Variants in HUNK observed in about 807,000 individuals in gnomAD.
The protein encoded by HUNK is hormonally up-regulated neu tumor-associated kinase.
A neutral mutation model predicts 61.0 loss-of-function variants in HUNK; 21 were observed. The ratio of observed to expected loss-of-function variants is 0.34; its 90% CI spans 0.24 to 0.50. The LOEUF is 0.50. HUNK is among the 20% of genes least tolerant of loss of function. The pLI, the probability that HUNK is intolerant of heterozygous loss-of-function variation, is 0.98. For synonymous variants in HUNK, 371 were observed against 386.1 expected (o/e 0.96, Z 0.46); for missense variants, 772 against 945.7 (o/e 0.82, Z 2.41).
chr21:31,983,005 G>A (rs1220532380), intron 7 of HUNK, among the ~76,000 whole-genome samples: 6 of 152,114 alleles, frequency 3.9e-5, no homozygotes, highest in East Asian at 3.9e-4. Context: ...GTTTCGCCAC[G>A]TTGGCCAGGC....
chr21:31,912,135 C>A (rs543029217), intron 1 of HUNK, among the ~76,000 whole-genome samples: 1 of 152,164 alleles, frequency 6.6e-6, no homozygotes, highest in South Asian at 2.1e-4. Flanking sequence ...CTTCCCCCAC[C>A]GTTCCTCCCT....
chr21:31,999,158 G>A lies in HUNK; in HGVS notation c.2119G>A (p.Ala707Thr), dbSNP rs199714632. Residue 707 changes from alanine (A) to threonine (T), a missense_variant, in exon 11 of 11, where the codon GCC (alanine) becomes ACC (threonine). Ala to Thr is a moderately conservative substitution (Grantham distance 58). This residue lies in a region of HUNK where 413 missense variants were observed against 444.4 expected (regional missense o/e 0.93). Coordinates refer to ENST00000270112, the MANE Select transcript of HUNK (RefSeq NM_014586.2). The stretch of plus-strand genomic sequence containing the variant: ...CCCTGTGAACCTTGCCTTTGACATG[G>A]CCGATGGGGTCAAGACCCAGTGCTA... ...LAPVNLAFDM[A>T]DGVKTQC The A allele has an allele frequency of 2.5e-6, 4 of 1,612,412 alleles. No individual in the cohort carries two copies. The East Asian group carries it at 8.9e-5, about 36-fold the overall frequency.
intron 4 of HUNK, among the ~76,000 whole-genome samples, chr21:31,948,989 G>A (rs748423931): frequency 5.3e-5 from 8 of 152,216 alleles, no homozygotes; most frequent in African/African-American, 9.6e-5. Flanking sequence ...GCTCCTGAGC[G>A]GGCTGGGTGC....
intron 8 of HUNK, among the ~76,000 whole-genome samples, chr21:31,987,969 CGT>C (rs547419621): frequency 1.3e-3 from 197 of 152,288 alleles, no homozygotes; most frequent in African/African-American, 4.5e-3. Flanking sequence ...GTCATCAACC[CGT>C]GTCCCGGGCA....
chr21:31,968,813 C>A (rs2052988715), intron 6 of HUNK, among the ~76,000 whole-genome samples: 1 of 133,726 alleles, frequency 7.5e-6, no homozygotes, highest in Non-Finnish European at 1.6e-5. Context: ...GGTGTTGTGT[C>A]TGTGTGTGTG....
chr21:31,914,237 G>A (rs1188328313), intron 1 of HUNK, among the ~76,000 whole-genome samples: 4 of 151,776 alleles, frequency 2.6e-5, no homozygotes, highest in Admixed American at 1.3e-4. Context: ...GAGAAACCCC[G>A]TCTCTACTAA....
rs141783705 is a variant in HUNK at position 31,998,917 on chromosome 21, T to C, written c.1878T>C (p.Asp626=). The change falls in exon 11 of 11, where the codon GAT becomes GAC. Residue 626 remains aspartate, a synonymous_variant. Coordinates refer to ENST00000270112, the MANE Select transcript of HUNK (RefSeq NM_014586.2). ...HPTLVSFAHE[D]KNSPPKEEGL... is the part of the protein sequence containing the mutation. Reference sequence around the variant, plus strand: ...CTCTGGTCTCTTTTGCTCACGAAGATAAGAACAGCCCCCCAAAAGAGGAGG... The same window carrying C: ...CTCTGGTCTCTTTTGCTCACGAAGACAAGAACAGCCCCCCAAAAGAGGAGG... 2.7e-5 allele frequency: 44 copies of C among 1,614,074 alleles called. No homozygotes were observed. In the African/African-American group the frequency reaches 5.2e-4, roughly 19 times the overall value.
chr21:31,924,639 G>A lies in HUNK; in HGVS notation c.433G>A (p.Gly145Arg). The change falls in exon 2 of 11, where the codon GGG becomes AGG. Residue 145 changes from glycine to arginine, a missense_variant. This residue lies in a region of HUNK where 359 missense variants were observed against 501.3 expected (regional missense o/e 0.72). Coordinates refer to ENST00000270112, the MANE Select transcript of HUNK (RefSeq NM_014586.2). This position sits in a 1 kb window ranked among gnomAD's most constrained non-coding sequence, Gnocchi z 5.1. ...SYYLVMELCP[G>R]GNLMHKIYEK... ...CTACCTGGTCATGGAGCTGTGCCCT[G>A]GGGGCAACCTGATGCACAAGATCTA... 1 of 1,614,120 alleles carries A rather than the reference G, an allele frequency of 6.2e-7. No individual in the cohort carries two copies. Among genetic ancestry groups the A allele is most frequent in the Non-Finnish European group, 8.5e-7 (1 of 1,179,976 alleles).
chr21:31,978,261 A>G (rs1238114731), intron 7 of HUNK, among the ~76,000 whole-genome samples: 1 of 152,236 alleles, frequency 6.6e-6, no homozygotes, highest in East Asian at 1.9e-4. Flanking sequence ...ATATATATAC[A>G]TTGTGGAATG....
intron 9 of HUNK, among the ~76,000 whole-genome samples, chr21:31,992,101 G>A (rs1011621145): frequency 9.9e-5 from 15 of 152,206 alleles, no homozygotes; most frequent in East Asian, 3.9e-4. Flanking sequence ...ACCATGGCTG[G>A]GATCCTCAGG....
At chr21:31,978,088 A>G (rs956262283) in intron 7 of HUNK, among the ~76,000 whole-genome samples, 3 of 152,346 alleles carry the variant, frequency 2.0e-5, no homozygotes, top group African/African-American at 7.2e-5. Context: ...CCAGGCTGCA[A>G]GTGTTGCAAA....
At chr21:31,929,886 C>T (rs1289212843) in intron 2 of HUNK, among the ~76,000 whole-genome samples, 3 of 152,224 alleles carry the variant, frequency 2.0e-5, no homozygotes, top group Non-Finnish European at 2.9e-5. Flanking sequence ...GCAGGCACAA[C>T]CTGTGCTGGT....
intron 1 of HUNK, among the ~76,000 whole-genome samples, chr21:31,922,618 C>T (rs889832126): frequency 5.3e-5 from 8 of 152,120 alleles, no homozygotes; most frequent in Non-Finnish European, 8.8e-5. Context: ...CGAGCCACCA[C>T]GCCCGGCCTC....
At chr21:31,897,836 G>C (rs1168153548) in intron 1 of HUNK, among the ~76,000 whole-genome samples, 1 of 152,172 alleles carries the variant, frequency 6.6e-6, no homozygotes, top group African/African-American at 2.4e-5. Context: ...GCTTTGGGTG[G>C]AGGGTGCTGC....
chr21:31,980,376 CTTCTT>C (rs1400843991), intron 7 of HUNK, among the ~76,000 whole-genome samples: 10 of 119,366 alleles, frequency 8.4e-5, no homozygotes, highest in East Asian at 5.9e-4. Flanking sequence ...GGCCTGTCTT[CTTCTT>C]TTTTTTTTTT....
chr21:31,968,687 AG>A (rs1398956810), intron 6 of HUNK, among the ~76,000 whole-genome samples: 1 of 151,388 alleles, frequency 6.6e-6, no homozygotes, highest in Non-Finnish European at 1.5e-5. Context: ...GTTCACACAG[AG>A]GGACCTTTGA....
chr21:31,926,326 T>A (rs7276438), intron 2 of HUNK, among the ~76,000 whole-genome samples: 61,695 of 152,130 alleles, frequency 0.41, 14,573 homozygotes, highest in African/African-American at 0.66. Context: ...CATGTATGTT[T>A]AAATATTTTT....
At position 31,982,763 on chromosome 21, in the gene HUNK, T is replaced by A. The variant is rs74314716; in HGVS notation, c.1174-763T>A. Among the ~76,000 whole-genome samples, 1,202 of 149,020 alleles carry A rather than the reference T, an allele frequency of 8.1e-3. 17 individuals are homozygous for A. Among genetic ancestry groups the A allele is most frequent in the East Asian group, 0.057 (294 of 5,176 alleles). ...TAGTGGGGAGCAGTGTGTACATGTG[T>A]GTTTGTGTGTGTGTGTGTGTGCACT... On this transcript the variant is annotated intron_variant, in intron 7 of 10. Coordinates refer to ENST00000270112, the MANE Select transcript of HUNK (RefSeq NM_014586.2).
rs767193720 is a variant in HUNK, at chr21:31,892,606, AG to A, written c.261+18672del. On this transcript the variant is annotated intron_variant, in intron 1 of 10. Coordinates refer to ENST00000270112, the MANE Select transcript of HUNK (RefSeq NM_014586.2). ...AAAAAAAGGAAAGAAAGAAAAAAAA[AG>A]AAATGGTAGTTGGTTGTTCTCTTCA... Among the ~76,000 whole-genome samples the A allele has an allele frequency of 4.5e-4, 69 of 151,996 alleles. No individual in the cohort carries two copies. In the East Asian group the frequency reaches 9.3e-3, roughly 20 times the overall value.
Sources: allele counts gnomAD v4.1 joint callset (sites outside exome capture counted in the v4.1 genomes callset), GRCh38; gene constraint gnomAD v4.1.1; regional missense constraint gnomAD v4.1.1; non-coding constraint Gnocchi (gnomAD v3.1); transcripts MANE v1.5; gene names NCBI Gene and HGNC (gene_info 2026-07-23, HGNC 2026-07-21).